REPS1: variants seen among roughly 807,000 people sequenced by gnomAD.
REPS1 encodes ralBP1-associated Eps domain-containing protein 1.
Under a neutral mutation model 100.9 loss-of-function variants are expected in REPS1, and 39 were observed. The ratio of observed to expected loss-of-function variants is 0.39; its 90% CI spans 0.30 to 0.50. The LOEUF is 0.50. Among genes scored for constraint, REPS1 ranks in the 20% least tolerant of loss-of-function variants. The pLI is 0.86. For synonymous variants in REPS1, 324 were observed against 340.3 expected, an observed-to-expected ratio of 0.95 and a Z score of 0.53; for missense variants, 821 against 968.5, an observed-to-expected ratio of 0.85 and a Z score of 2.02.
chr6:138,916,218 CTT>C (rs10582137), intron 13 of REPS1: 27,784 of 201,702 alleles, frequency 0.14, 401 homozygotes, highest in Non-Finnish European at 0.16. Context: ...TTCTTTTTTT[CTT>C]TTTTTTTTTT....
chr6:138,971,510 G>A (rs1423799783), intron 1 of REPS1, among the ~76,000 whole-genome samples: 1 of 151,906 alleles, frequency 6.6e-6, no homozygotes, highest in Non-Finnish European at 1.5e-5. Flanking sequence ...AAGGTGTCCA[G>A]ATTCTACCAT....
At chr6:138,909,573 C>A (rs1244694301) in intron 17 of REPS1, among the ~76,000 whole-genome samples, 2 of 152,096 alleles carry the variant, frequency 1.3e-5, no homozygotes, top group Non-Finnish European at 2.9e-5. Context: ...AAATTGTAAT[C>A]CCCATGTGTC....
intron 8 of REPS1, among the ~76,000 whole-genome samples, chr6:138,935,490 G>T (rs1276793494): frequency 1.3e-5 from 2 of 152,048 alleles, no homozygotes; most frequent in East Asian, 3.9e-4. Flanking sequence ...CCATAAAGAG[G>T]AAAACAGTTA....
intron 13 of REPS1, among the ~76,000 whole-genome samples, chr6:138,916,803 C>A (rs758361023): frequency 4.6e-5 from 7 of 152,246 alleles, no homozygotes; most frequent in Non-Finnish European, 1.0e-4. Flanking sequence ...CTTTCATATT[C>A]TGAAAAGAGT....
At chr6:138,969,021 G>A (rs557710096) in intron 1 of REPS1, among the ~76,000 whole-genome samples, 1 of 152,208 alleles carries the variant, frequency 6.6e-6, no homozygotes, top group East Asian at 1.9e-4. Context: ...GTACACACCC[G>A]TATCTGCAGT....
At chr6:138,983,160 T>A (rs553766814) in intron 1 of REPS1, among the ~76,000 whole-genome samples, 2 of 152,182 alleles carry the variant, frequency 1.3e-5, no homozygotes, top group Non-Finnish European at 2.9e-5. Flanking sequence ...ATTTAACTTA[T>A]CTGCTATCAA....
chr6:138,911,353 G>C lies in REPS1; in HGVS notation c.1990C>G (p.Pro664Ala), dbSNP rs372376645. Reference protein sequence around the residue: ...EVLPAEKASDPASSLRVAKTD... With the variant: ...EVLPAEKASDAASSLRVAKTD... ...TTGGCAACTCGAAGAGAACTTGCAG[G>C]ATCAGAAGCTTTTTCAGCCTAAAAA... Residue 664 changes from proline to alanine, a missense_variant, in exon 17 of 20, where the codon CCT (proline) becomes GCT (alanine). Pro to Ala is a conservative substitution (Grantham distance 27). This residue lies in a region of REPS1 where 757 missense variants were observed against 866.4 expected (regional missense o/e 0.87). Coordinates refer to ENST00000450536, the MANE Select transcript of REPS1 (RefSeq NM_001286611.2). 3.5e-5 allele frequency: 57 copies of C among 1,612,780 alleles called. No homozygotes were observed. Among genetic ancestry groups the C allele is most frequent in the Non-Finnish European group, 4.7e-5 (56 of 1,178,996 alleles).
intron 8 of REPS1, among the ~76,000 whole-genome samples, chr6:138,940,607 T>C (rs1179069778): frequency 5.3e-5 from 8 of 151,824 alleles, no homozygotes; most frequent in African/African-American, 1.5e-4. Flanking sequence ...TAGCGGGGCA[T>C]GGTGGTGCGT....
At chr6:138,944,943 T>A (rs1232915576) in intron 4 of REPS1, among the ~76,000 whole-genome samples, 1 of 152,196 alleles carries the variant, frequency 6.6e-6, no homozygotes, top group East Asian at 1.9e-4. Flanking sequence ...TGTATCCACT[T>A]ACAAATTTCC....
At chr6:138,940,125 GTTCTCTTTTGTGACAGTAAT>G (rs1205890756) in intron 8 of REPS1, among the ~76,000 whole-genome samples, 40 of 152,278 alleles carry the variant, frequency 2.6e-4, no homozygotes, top group African/African-American at 9.1e-4. Flanking sequence ...CAAGGAGACT[GTTCTCTTTTGTGACAGTAAT>G]TTCATGCATC....
chr6:138,962,958 A>T (rs904039650), intron 1 of REPS1, among the ~76,000 whole-genome samples: 3 of 152,192 alleles, frequency 2.0e-5, no homozygotes, highest in African/African-American at 7.2e-5. Context: ...ATAGCTCCAT[A>T]TAACTTTATT....
Position 138,926,387 on chromosome 6 carries a change from A to C in REPS1, c.1338+14T>G. 1 of 1,587,430 alleles carries C rather than the reference A, an allele frequency of 6.3e-7. No homozygotes were observed. Among genetic ancestry groups the C allele is most frequent in the Non-Finnish European group, 8.6e-7 (1 of 1,156,912 alleles). Reference sequence around the variant, plus strand: ...AAATTAATCTCAAACAAGCAAGCTAAGTGATTGACTTACAGGATCAGCTGG... The same window carrying C: ...AAATTAATCTCAAACAAGCAAGCTACGTGATTGACTTACAGGATCAGCTGG... On this transcript the variant is annotated intron_variant, in intron 10 of 19. Transcript: ENST00000450536.
rs113946507 is a variant in REPS1 at position 138,911,138 on chromosome 6, G to A, written c.2067+138C>T. The A allele has an allele frequency of 8.0e-4, 479 of 599,834 alleles. 2 individuals carry two copies. The highest frequency in any genetic ancestry group is 7.6e-3 in the African/African-American group (410 of 53,846). The allele number at this position is 599,834 out of a possible 1,614,324, so 37.2% of individuals were successfully genotyped here. A position where few individuals can be genotyped will look rare whatever the true frequency, so the allele number is the denominator to read the frequency against. ...CATCTCCATTAAATAGGCAGACTTT[G>A]TTCTGAGCTAGACTGACTATACTAC... On this transcript the variant is annotated intron_variant, in intron 17 of 19. Transcript: ENST00000450536.
chr6:138,954,959 C>T (rs1463195770), intron 1 of REPS1, among the ~76,000 whole-genome samples: 7 of 152,064 alleles, frequency 4.6e-5, no homozygotes, highest in South Asian at 2.1e-4. Flanking sequence ...TTTCTCTATC[C>T]GCATACATCT....
chr6:138,948,646 G>A (rs1782794491), intron 1 of REPS1, among the ~76,000 whole-genome samples: 1 of 152,124 alleles, frequency 6.6e-6, no homozygotes, highest in African/African-American at 2.4e-5. Context: ...CTAAAAGCTG[G>A]AGGTTTCTAC....
intron 1 of REPS1, among the ~76,000 whole-genome samples, chr6:138,979,869 C>A (rs368522899): frequency 6.6e-6 from 1 of 152,146 alleles, no homozygotes. Flanking sequence ...TTAAGTATCA[C>A]TAACATAGTG....
At chr6:138,938,575 A>G (rs1782014982) in intron 8 of REPS1, among the ~76,000 whole-genome samples, 1 of 152,168 alleles carries the variant, frequency 6.6e-6, no homozygotes, top group Non-Finnish European at 1.5e-5. Context: ...TGTTTTGAGC[A>G]TACTACAATA....
intron 6 of REPS1, 86 bp from the exon 7 acceptor site, chr6:138,943,662 TG>T: frequency 1.8e-6 from 2 of 1,112,790 alleles, no homozygotes; most frequent in South Asian, 3.2e-5. Flanking sequence ...CTTTTTTAAC[TG>T]GGAAAAGATA....
intron 8 of REPS1, among the ~76,000 whole-genome samples, chr6:138,931,115 T>C (rs919608669): frequency 1.3e-5 from 2 of 152,190 alleles, no homozygotes; most frequent in Non-Finnish European, 2.9e-5. Context: ...TCATTGTGTC[T>C]GACCATGGGC....
Sources: gnomAD v4.1 joint callset for allele counts (sites outside exome capture counted in the v4.1 genomes callset) on GRCh38, gnomAD v4.1.1 for gene constraint, gnomAD v4.1.1 regional missense constraint, MANE v1.5 for transcripts, NCBI Gene and HGNC (gene_info 2026-07-23, HGNC 2026-07-21) for gene names.